Variants in NRXN3 observed in about 807,000 individuals in gnomAD.
The protein encoded by NRXN3 is neurexin III.
In NRXN3, 32 loss-of-function variants were observed where a neutral mutation model predicts 137.6. That is an observed-to-expected ratio of 0.23 (90% CI 0.18 to 0.31). The LOEUF is 0.31. Among genes scored for constraint, NRXN3 ranks in the 10% least tolerant of loss-of-function variants. NRXN3 has a pLI of 1.00. For synonymous variants in NRXN3, 798 were observed against 784.5 expected (o/e 1.02, Z -0.29); for missense variants, 1,574 against 2,062.5 (o/e 0.76, Z 4.59).
At chr14:78,260,515 T>C (rs1428801797) in intron 2 of NRXN3, among the ~76,000 whole-genome samples, 4 of 152,228 alleles carry the variant, frequency 2.6e-5, no homozygotes, top group African/African-American at 9.6e-5. Context: ...ATGGTTTGGC[T>C]CTGTGTCCCC....
At chr14:78,645,002 T>TGTTGG in intron 4 of NRXN3, 118 bp from the exon 5 acceptor site, 2 of 813,994 alleles carry the variant, frequency 2.5e-6, no homozygotes, top group Non-Finnish European at 3.7e-6. Context: ...GGGAGTGCTG[T>TGTTGG]GTTGGTATCA....
At chr14:78,822,993 A>G (rs1431230708) in intron 10 of NRXN3, among the ~76,000 whole-genome samples, 4 of 152,156 alleles carry the variant, frequency 2.6e-5, no homozygotes, top group African/African-American at 9.7e-5. Flanking sequence ...AAGCTCCCTC[A>G]GCTCAGCTCT....
rs776639164 is a variant in NRXN3 at position 78,649,279 on chromosome 14, C to T, written c.1060-1886C>T. 5.2e-6 allele frequency: 7 copies of T among 1,343,764 alleles called. No homozygotes were observed. In the African/African-American group the frequency reaches 6.0e-5, roughly 11 times the overall value. The allele number at this position is 1,343,764 out of a possible 1,614,324, so 83.2% of individuals were successfully genotyped here. ...CCTTCTCCGCAAAGCACTCAGGCATCGGACACGCTATGGTAAACAAACTAC... is the reference window on the plus strand; with the variant it reads ...CCTTCTCCGCAAAGCACTCAGGCATTGGACACGCTATGGTAAACAAACTAC... On this transcript the variant is annotated intron_variant, in intron 5 of 20. Coordinates refer to ENST00000335750, the MANE Select transcript of NRXN3 (RefSeq NM_001330195.2).
At chr14:79,271,568 T>G (rs542787925) in intron 15 of NRXN3, among the ~76,000 whole-genome samples, 248 of 144,086 alleles carry the variant, frequency 1.7e-3, no homozygotes, top group African/African-American at 5.9e-3. Context: ...CTTCCCTTTC[T>G]CCCTTCCCTC....
chr14:79,529,398 G>T (rs2097149821), intron 16 of NRXN3, among the ~76,000 whole-genome samples: 2 of 152,222 alleles, frequency 1.3e-5, no homozygotes, highest in South Asian at 4.1e-4. Flanking sequence ...CCCAGGCCTG[G>T]TTTCGGGCCT....
intron 4 of NRXN3, among the ~76,000 whole-genome samples, chr14:78,515,236 A>G (rs553766486): frequency 7.9e-5 from 12 of 152,272 alleles, no homozygotes; most frequent in African/African-American, 2.6e-4. Flanking sequence ...TATGCTAGGG[A>G]TAGAGGGATG....
chr14:78,657,463 A>G lies in NRXN3; in HGVS notation c.1221+6137A>G, dbSNP rs930081903. 7.9e-5 allele frequency among the ~76,000 whole-genome samples: 12 copies of G among 152,338 alleles called. No individual in the cohort carries two copies. In the East Asian group the frequency reaches 1.2e-3, roughly 15 times the overall value. ...AGTGCCACTGAGACCTCTGGGACAG[A>G]CTGGACTCTCTCATCTCTCTTTTCT... On this transcript the variant is annotated intron_variant, in intron 6 of 20. Transcript: ENST00000335750.
chr14:78,935,414 T>G (rs1194095777), intron 10 of NRXN3, among the ~76,000 whole-genome samples: 1 of 152,118 alleles, frequency 6.6e-6, no homozygotes, highest in African/African-American at 2.4e-5. Context: ...GTTCCAGAAC[T>G]TCAAAGGAAC....
intron 6 of NRXN3, among the ~76,000 whole-genome samples, chr14:78,652,945 T>C: frequency 6.6e-6 from 1 of 152,218 alleles, no homozygotes; most frequent in Non-Finnish European, 1.5e-5. Flanking sequence ...TACTAAATGC[T>C]CTAATTGAGT....
rs76887264 is a variant in NRXN3 at position 78,706,575 on chromosome 14, C to T, written c.1222-2642C>T. 5.0e-3 allele frequency among the ~76,000 whole-genome samples: 758 copies of T among 152,162 alleles called. 6 individuals are homozygous for T. The highest frequency in any genetic ancestry group is 0.041 in the East Asian group (214 of 5,170). On this transcript the variant is annotated intron_variant, in intron 6 of 20. Coordinates refer to ENST00000335750, the MANE Select transcript of NRXN3 (RefSeq NM_001330195.2). ...ACTTATCAGCTGTGTGCCTGTGGGC[C>T]GGTTCCCTAACTGCTCTCTGTGTCT... is the stretch of plus-strand genomic sequence containing the variant.
At chr14:79,628,958 G>C (rs1009902111) in intron 16 of NRXN3, among the ~76,000 whole-genome samples, 8 of 152,170 alleles carry the variant, frequency 5.3e-5, no homozygotes, top group African/African-American at 1.9e-4. Flanking sequence ...TCACCCATCA[G>C]ATATGTTTTG....
At chr14:79,793,773 A>C (rs1603506309) in intron 19 of NRXN3, among the ~76,000 whole-genome samples, 1 of 152,236 alleles carries the variant, frequency 6.6e-6, no homozygotes, top group African/African-American at 2.4e-5. Flanking sequence ...ATTAGCATGA[A>C]TATTACCATT....
chr14:79,509,578 T>G (rs910776000), intron 16 of NRXN3, among the ~76,000 whole-genome samples: 78 of 151,226 alleles, frequency 5.2e-4, no homozygotes, highest in African/African-American at 1.7e-3. Context: ...TATATATATG[T>G]GTGTATATAT....
At chr14:79,796,638 T>G (rs2099161756) in intron 19 of NRXN3, among the ~76,000 whole-genome samples, 1 of 152,174 alleles carries the variant, frequency 6.6e-6, no homozygotes, top group Non-Finnish European at 1.5e-5. Flanking sequence ...AAGCTTAGCT[T>G]GGTTTTTCTA....
At chr14:78,957,068 T>C (rs907296324) in intron 10 of NRXN3, among the ~76,000 whole-genome samples, 174 bp from the exon 11 acceptor site, 4 of 152,226 alleles carry the variant, frequency 2.6e-5, no homozygotes, top group Non-Finnish European at 4.4e-5. Context: ...ACTTTTGCAT[T>C]TGGGGACTCC....
chr14:78,273,745 T>C (rs1206957285), intron 2 of NRXN3, among the ~76,000 whole-genome samples: 1 of 152,230 alleles, frequency 6.6e-6, no homozygotes, highest in African/African-American at 2.4e-5. Flanking sequence ...GAAAAGGCAG[T>C]TGACAAACCA....
chr14:79,204,362 A>G (rs761996075), intron 15 of NRXN3, among the ~76,000 whole-genome samples: 13 of 151,900 alleles, frequency 8.6e-5, no homozygotes, highest in Admixed American at 7.9e-4. Context: ...CAAATGCCTC[A>G]TATGGTAACA....
intron 10 of NRXN3, among the ~76,000 whole-genome samples, chr14:78,953,057 C>T (rs559222053): frequency 1.3e-5 from 2 of 152,142 alleles, no homozygotes; most frequent in South Asian, 4.2e-4. Context: ...TTATATTGCT[C>T]CTGGGGGGAA....
chr14:79,267,360 A>ATTT (rs398043882), intron 15 of NRXN3, among the ~76,000 whole-genome samples: 1,800 of 143,006 alleles, frequency 0.013, 35 homozygotes, highest in South Asian at 0.077. Flanking sequence ...AGATCATTTA[A>ATTT]TTTTTTTTTT....
Sources: allele counts gnomAD v4.1 joint callset (sites outside exome capture counted in the v4.1 genomes callset), GRCh38; gene constraint gnomAD v4.1.1; transcripts MANE v1.5; gene names NCBI Gene and HGNC (gene_info 2026-07-23, HGNC 2026-07-21).